Variants in CLMN observed in about 807,000 individuals in gnomAD.
CLMN encodes calmin (calponin-like, transmembrane).
In CLMN, 57 loss-of-function variants were observed where a neutral mutation model predicts 92.7. The ratio of observed to expected loss-of-function variants is 0.61; its 90% CI spans 0.50 to 0.77. The LOEUF (loss-of-function observed/expected upper bound fraction) is 0.77. CLMN is among the 30% of genes least tolerant of loss of function. The pLI, the probability that CLMN is intolerant of heterozygous loss-of-function variation, is 0.00. For synonymous variants in CLMN, 466 were observed against 470.6 expected, an observed-to-expected ratio of 0.99 and a Z score of 0.13; for missense variants, 1,158 against 1,237.5, an observed-to-expected ratio of 0.94 and a Z score of 0.96.
At chr14:95,262,650 C>G (rs1899304836) in intron 1 of CLMN, among the ~76,000 whole-genome samples, 1 of 152,174 alleles carries the variant, frequency 6.6e-6, no homozygotes, top group Non-Finnish European at 1.5e-5. Context: ...ACTGCAGCCT[C>G]ATCCTCTCCA....
chr14:95,222,748 C>A (rs1432722705), intron 3 of CLMN: 3 of 350,844 alleles, frequency 8.6e-6, no homozygotes, highest in Non-Finnish European at 1.1e-5. Flanking sequence ...TACTGCGTAG[C>A]CCTCTGCGGG....
At position 95,192,941 on chromosome 14, in the gene CLMN, T is replaced by C. The variant is rs2140556464; in HGVS notation, c.2840+908A>G. 4 of 192,494 alleles carry C rather than the reference T, an allele frequency of 2.1e-5. 1 individual carries two copies. Among genetic ancestry groups the C allele is most frequent in the South Asian group, 1.3e-4 (1 of 7,790 alleles). 11.9% of individuals were successfully genotyped at this position (192,494 alleles called of 1,614,324 possible). A position where few individuals can be genotyped will look rare whatever the true frequency, so the allele number is the denominator to read the frequency against. On this transcript the variant is annotated intron_variant, in intron 12 of 12. Transcript: ENST00000298912. ...AAAAAGGATTATTTTCCTATGAGCATATCCAGCCTGGTGGAAAACTTGAAT... is the reference window on the plus strand; with the variant it reads ...AAAAAGGATTATTTTCCTATGAGCACATCCAGCCTGGTGGAAAACTTGAAT...
rs1420840355 is a variant in CLMN, at chr14:95,189,313, G to A, written c.*2251C>T. 1 of 152,176 alleles carries A rather than the reference G, an allele frequency of 6.6e-6. No individual in the cohort carries two copies. The highest frequency in any genetic ancestry group is 1.5e-5 in the Non-Finnish European group (1 of 68,018). 9.4% of individuals were successfully genotyped at this position (152,176 alleles called of 1,614,324 possible). A position where few individuals can be genotyped will look rare whatever the true frequency, so the allele number is the denominator to read the frequency against. On this transcript the variant is annotated 3_prime_UTR_variant, in exon 13 of 13. Coordinates refer to ENST00000298912, the MANE Select transcript of CLMN (RefSeq NM_024734.4). ...GTTACTTCTAAGCAGCGAGACTTAG[G>A]GGACTGCTAGTTCTTGTTAAAAGCC...
At chr14:95,245,196 TATATATATATATTA>T in intron 1 of CLMN, among the ~76,000 whole-genome samples, 1 of 31,812 alleles carries the variant, frequency 3.1e-5, no homozygotes, top group East Asian at 1.4e-3. Flanking sequence ...ATATATATAA[TATATATATATATTA>T]TATATATATA....
At chr14:95,278,256 G>A (rs987833553) in intron 1 of CLMN, among the ~76,000 whole-genome samples, 2 of 152,238 alleles carry the variant, frequency 1.3e-5, no homozygotes, top group African/African-American at 2.4e-5. Flanking sequence ...GTCCTGGCTA[G>A]AGTTTGGGAA....
rs1896523501 is a variant in CLMN, at chr14:95,189,955, T to C, written c.*1609A>G. On this transcript the variant is annotated 3_prime_UTR_variant, in exon 13 of 13. Coordinates refer to ENST00000298912, the MANE Select transcript of CLMN (RefSeq NM_024734.4). Reference sequence around the variant, plus strand: ...AATTCTTCTGGCCATGCTGGAATTCTGTAAACTTGAAACCCACTGCTTGAA... The same window carrying C: ...AATTCTTCTGGCCATGCTGGAATTCCGTAAACTTGAAACCCACTGCTTGAA... 6.6e-6 allele frequency: 1 copy of C among 152,232 alleles called. No homozygotes were observed. Among genetic ancestry groups the C allele is most frequent in the Admixed American group, 6.5e-5 (1 of 15,286 alleles). 9.4% of individuals were successfully genotyped at this position (152,232 alleles called of 1,614,324 possible).
chr14:95,274,739 G>C (rs1160453361), intron 1 of CLMN, among the ~76,000 whole-genome samples: 1 of 152,180 alleles, frequency 6.6e-6, no homozygotes, highest in East Asian at 1.9e-4. Flanking sequence ...CCAGCACTTT[G>C]GGAGGCCAAA....
chr14:95,318,822 T>G (rs959206793), intron 1 of CLMN, among the ~76,000 whole-genome samples: 8 of 152,210 alleles, frequency 5.3e-5, no homozygotes, highest in Non-Finnish European at 8.8e-5. Flanking sequence ...TACAGTTCCA[T>G]GAAGAACACC....
chr14:95,214,924 C>T (rs759196384), intron 5 of CLMN, among the ~76,000 whole-genome samples: 10 of 152,122 alleles, frequency 6.6e-5, no homozygotes, highest in East Asian at 3.9e-4. Flanking sequence ...ATTCCAAAAG[C>T]GGGTGGGCTC....
intron 1 of CLMN, among the ~76,000 whole-genome samples, chr14:95,247,749 G>T (rs1898626168): frequency 6.6e-6 from 1 of 152,172 alleles, no homozygotes; most frequent in Non-Finnish European, 1.5e-5. Flanking sequence ...TGGAAATTCA[G>T]AATGGGACTA....
chr14:95,243,929 A>C, intron 1 of CLMN, among the ~76,000 whole-genome samples: 1 of 152,046 alleles, frequency 6.6e-6, no homozygotes, highest in East Asian at 1.9e-4. Flanking sequence ...CACAGGGGTG[A>C]TTTCTTTTGA....
chr14:95,230,202 C>G, intron 1 of CLMN, 69 bp from the exon 2 acceptor site: 29 of 1,381,184 alleles, frequency 2.1e-5, no homozygotes, highest in Middle Eastern at 1.8e-4. Context: ...TTCCCCTTCC[C>G]AAGGGGAGAT....
chr14:95,250,734 G>A lies in CLMN; in HGVS notation c.83-20601C>T, dbSNP rs559942625. 7.2e-5 allele frequency among the ~76,000 whole-genome samples: 11 copies of A among 152,344 alleles called. No homozygotes were observed. The South Asian group carries it at 1.9e-3, about 26-fold the overall frequency. On this transcript the variant is annotated intron_variant, in intron 1 of 12. Transcript: ENST00000298912. ...GATTAACTCTATTGGAGGTCACCCC[G>A]TTAAGTCAGGAAGCCTGTCTCTTAC...
intron 1 of CLMN, among the ~76,000 whole-genome samples, chr14:95,316,766 T>C (rs1298412314): frequency 6.6e-6 from 1 of 152,210 alleles, no homozygotes; most frequent in Non-Finnish European, 1.5e-5. Flanking sequence ...CCAGAGGTTG[T>C]AAGCTCAGGG....
At chr14:95,232,731 A>G (rs142231173) in intron 1 of CLMN, among the ~76,000 whole-genome samples, 296 of 152,072 alleles carry the variant, frequency 1.9e-3, no homozygotes, top group Middle Eastern at 6.8e-3. Flanking sequence ...AGTCTTGGAG[A>G]CTCCCGGAAG....
At position 95,276,903 on chromosome 14, in the gene CLMN, T is replaced by C. The variant is rs145193367; in HGVS notation, c.82+42808A>G. Among the ~76,000 whole-genome samples, 1,095 of 152,176 alleles carry C rather than the reference T, an allele frequency of 7.2e-3. 30 individuals are homozygous for C. The highest frequency in any genetic ancestry group is 6.8e-3 in the Middle Eastern group (2 of 294). On this transcript the variant is annotated intron_variant, in intron 1 of 12. Transcript: ENST00000298912. ...ACCCCTGGTGTGGCATCTTGCAAAA[T>C]TGAGAGGTTTTTGCCTATGGTTCCA...
Position 95,309,211 on chromosome 14 carries a change from G to A in CLMN, c.82+10500C>T, listed in dbSNP as rs77235476. 5.3e-4 allele frequency among the ~76,000 whole-genome samples: 80 copies of A among 152,320 alleles called. 2 individuals are homozygous for A. The East Asian group carries it at 0.014, about 27-fold the overall frequency. Reference sequence around the variant, plus strand: ...TAGCCTGGGACTTTCGATATGTGATGTAATAAAACCAAAAGTCGGAAACTG... The same window carrying A: ...TAGCCTGGGACTTTCGATATGTGATATAATAAAACCAAAAGTCGGAAACTG... On this transcript the variant is annotated intron_variant, in intron 1 of 12. Coordinates refer to ENST00000298912, the MANE Select transcript of CLMN (RefSeq NM_024734.4).
intron 1 of CLMN, among the ~76,000 whole-genome samples, chr14:95,260,006 A>G (rs1018340789): frequency 1.3e-5 from 2 of 152,076 alleles, no homozygotes; most frequent in African/African-American, 4.8e-5. Flanking sequence ...TCCCTAAGAT[A>G]GGGGTGGCAC....
At chr14:95,250,996 T>C (rs987590042) in intron 1 of CLMN, among the ~76,000 whole-genome samples, 2 of 152,148 alleles carry the variant, frequency 1.3e-5, no homozygotes, top group African/African-American at 4.8e-5. Flanking sequence ...GGCTGGTTCT[T>C]AACGACAGTA....
Sources: allele counts gnomAD v4.1 joint callset (sites outside exome capture counted in the v4.1 genomes callset), GRCh38; gene constraint gnomAD v4.1.1; transcripts MANE v1.5; gene names NCBI Gene and HGNC (gene_info 2026-07-23, HGNC 2026-07-21).